Variants in NEK6 observed in about 807,000 individuals in gnomAD.
NEK6 encodes the protein serine/threonine-protein kinase Nek6.
Under a neutral mutation model 43.5 loss-of-function variants are expected in NEK6, and 27 were observed. The observed-to-expected ratio is 0.62, with a 90% CI of 0.46 to 0.86. The LOEUF (loss-of-function observed/expected upper bound fraction) is 0.86. Ranked by LOEUF, NEK6 falls within the 40% of genes least tolerant of loss-of-function variation. NEK6 has a pLI of 0.00. For missense variants in NEK6, 318 were observed against 414.4 expected (o/e 0.77, Z 2.02); for synonymous variants, 167 against 164.1 (o/e 1.02, Z -0.14).
At position 124,325,565 on chromosome 9, in the gene NEK6, G is replaced by A. The variant is rs1834292588; in HGVS notation, c.406-765G>A. Among the ~76,000 whole-genome samples, 3 of 152,270 alleles carry A rather than the reference G, an allele frequency of 2.0e-5. No homozygotes were observed. In the South Asian group the frequency reaches 6.2e-4, roughly 31 times the overall value. On this transcript the variant is annotated intron_variant, in intron 5 of 9. Transcript: ENST00000320246. The stretch of plus-strand genomic sequence containing the variant: ...CTGGTGAAGAAGTCCTGCCCCACAG[G>A]CATGGGCCTGGCACCTGAGAGCCAC...
Position 124,327,390 on chromosome 9 carries a change from T to A in NEK6, c.567T>A (p.Gly189=), listed in dbSNP as rs1419811995. The A allele has an allele frequency of 6.2e-7, 1 of 1,613,722 alleles. No homozygotes were observed. The highest frequency in any genetic ancestry group is 1.3e-5 in the African/African-American group (1 of 74,908). Residue 189 remains glycine (G), a synonymous_variant, in exon 7 of 10, where the codon GGT becomes GGA. Coordinates refer to ENST00000320246, the MANE Select transcript of NEK6 (RefSeq NM_014397.6). ...CAGCCACGGGCGTCGTGAAGCTCGG[T>A]GACCTTGGTCTGGGCCGCTTCTTCA... ...FITATGVVKL[G]DLGLGRFFSS...
chr9:124,321,763 AGCT>A (rs1489175535), intron 5 of NEK6, among the ~76,000 whole-genome samples, 194 bp downstream of exon 5: 2 of 152,230 alleles, frequency 1.3e-5, no homozygotes, highest in Admixed American at 1.3e-4. Context: ...GTCCGTCCCC[AGCT>A]GCTGTTGCTG....
chr9:124,302,244 C>T (rs555612229), intron 2 of NEK6, among the ~76,000 whole-genome samples, 190 bp downstream of exon 2: 2 of 152,274 alleles, frequency 1.3e-5, no homozygotes, highest in South Asian at 4.1e-4. Flanking sequence ...CAGTAATACT[C>T]AGAGAAGCCT....
At chr9:124,346,614 A>G (rs993910276) in intron 8 of NEK6, among the ~76,000 whole-genome samples, 10 of 152,122 alleles carry the variant, frequency 6.6e-5, no homozygotes, top group Admixed American at 2.0e-4. Flanking sequence ...AGGCAGCCAC[A>G]GTGAGCTGGA....
intron 7 of NEK6, among the ~76,000 whole-genome samples, chr9:124,331,259 C>A (rs117773392): frequency 3.0e-3 from 285 of 95,226 alleles, no homozygotes; most frequent in South Asian, 4.6e-3. Context: ...GACTCTGTCT[C>A]AAAAAAAAAA....
chr9:124,348,755 A>G (rs765323469), intron 9 of NEK6, among the ~76,000 whole-genome samples: 1 of 152,232 alleles, frequency 6.6e-6, no homozygotes, highest in African/African-American at 2.4e-5. Context: ...CTAGTGGGTG[A>G]GTCTGGGGCC....
At chr9:124,323,976 C>T (rs1432843347) in intron 5 of NEK6, among the ~76,000 whole-genome samples, 5 of 152,112 alleles carry the variant, frequency 3.3e-5, no homozygotes, top group East Asian at 1.9e-4. Context: ...TGGCCCCCCA[C>T]GCCTCGGGTC....
At position 124,306,444 on chromosome 9, in the gene NEK6, C is replaced by T. The variant is rs898006731; in HGVS notation, c.90+4390C>T. Among the ~76,000 whole-genome samples the T allele has an allele frequency of 1.1e-4, 17 of 152,208 alleles. No homozygotes were observed. The East Asian group carries it at 2.5e-3, about 22-fold the overall frequency. On this transcript the variant is annotated intron_variant, in intron 2 of 9. Transcript: ENST00000320246. ...ACTGATCCCATGAGCCAGTGGCCCA[C>T]GGAGTGCGGTGCAGACGTCTTAGCT...
At chr9:124,285,478 G>A (rs576107760) in intron 1 of NEK6, among the ~76,000 whole-genome samples, 3 of 152,282 alleles carry the variant, frequency 2.0e-5, no homozygotes, top group South Asian at 2.1e-4. Context: ...GGCTCAAAGA[G>A]CTGGGTCGAT....
chr9:124,274,166 T>A (rs1296764348), intron 1 of NEK6, among the ~76,000 whole-genome samples: 1 of 152,140 alleles, frequency 6.6e-6, no homozygotes, highest in Non-Finnish European at 1.5e-5. Context: ...CTTCCTTGGG[T>A]GGTAAAGATC....
chr9:124,270,080 A>G (rs1831380674), intron 1 of NEK6, among the ~76,000 whole-genome samples: 3 of 147,354 alleles, frequency 2.0e-5, no homozygotes, highest in South Asian at 4.4e-4. Flanking sequence ...CCCCCCCCCC[A>G]TGCTGTCTGT....
At chr9:124,316,055 C>T (rs375997881) in intron 4 of NEK6, among the ~76,000 whole-genome samples, 138 of 152,362 alleles carry the variant, frequency 9.1e-4, no homozygotes, top group South Asian at 2.1e-3. Flanking sequence ...CCAATGCCAG[C>T]CGCCTTCCCG....
intron 4 of NEK6, among the ~76,000 whole-genome samples, chr9:124,318,963 G>A (rs190587957): frequency 1.5e-4 from 22 of 151,690 alleles, no homozygotes; most frequent in African/African-American, 4.4e-4. Flanking sequence ...GAGCCACTGC[G>A]CCCAGCCTAT....
At chr9:124,314,497 G>GC (rs1286347643) in intron 4 of NEK6, among the ~76,000 whole-genome samples, 2 of 149,990 alleles carry the variant, frequency 1.3e-5, no homozygotes, top group African/African-American at 5.0e-5. Context: ...GGTGGTGGTG[G>GC]GTTTTTTTTT....
intron 2 of NEK6, 106 bp downstream of exon 2, chr9:124,302,160 C>A: frequency 1.3e-6 from 1 of 765,866 alleles, no homozygotes; most frequent in South Asian, 1.9e-5. Context: ...CTTCAGCTCC[C>A]TGAAACAGAA....
intron 2 of NEK6, among the ~76,000 whole-genome samples, chr9:124,305,935 C>T (rs750818704): frequency 2.2e-4 from 34 of 152,214 alleles, no homozygotes; most frequent in Admixed American, 7.2e-4. Flanking sequence ...CATACTATCT[C>T]ATTTGAAATT....
At chr9:124,325,648 C>T (rs976948190) in intron 5 of NEK6, among the ~76,000 whole-genome samples, 1 of 152,264 alleles carries the variant, frequency 6.6e-6, no homozygotes, top group Non-Finnish European at 1.5e-5. Context: ...TCTCCAGGAC[C>T]TTCTGTTACT....
chr9:124,332,518 A>T (rs563611956), intron 7 of NEK6, among the ~76,000 whole-genome samples: 3 of 152,298 alleles, frequency 2.0e-5, no homozygotes, highest in African/African-American at 7.2e-5. Context: ...TGGAGGATTC[A>T]GTGCCAAGGC....
intron 1 of NEK6, among the ~76,000 whole-genome samples, chr9:124,277,510 C>G (rs1002697993): frequency 3.5e-4 from 54 of 152,326 alleles, no homozygotes; most frequent in African/African-American, 1.2e-3. Flanking sequence ...CCCTTTCCTG[C>G]TGGGTGTTGG....
Sources: allele counts gnomAD v4.1 joint callset (sites outside exome capture counted in the v4.1 genomes callset), GRCh38; gene constraint gnomAD v4.1.1; transcripts MANE v1.5; gene names NCBI Gene and HGNC (gene_info 2026-07-23, HGNC 2026-07-21).